FMN1: variants seen among roughly 807,000 people sequenced by gnomAD.
The protein encoded by FMN1 is formin 1.
Under a neutral mutation model 132.4 loss-of-function variants are expected in FMN1, and 110 were observed. The observed-to-expected ratio is 0.83, with a 90% CI of 0.71 to 0.97. The LOEUF (loss-of-function observed/expected upper bound fraction) is 0.97. Among genes scored for constraint, FMN1 ranks in the 50% least tolerant of loss-of-function variants. The pLI, the probability that FMN1 is intolerant of heterozygous loss-of-function variation, is 0.00. For missense variants in FMN1, 1,792 were observed against 1,705.3 expected (o/e 1.05, Z -0.90); for synonymous variants, 722 against 651.7 (o/e 1.11, Z -1.64).
At chr15:33,067,782 T>C (rs773345400) in intron 5 of FMN1, 11 of 1,614,028 alleles carry the variant, frequency 6.8e-6, no homozygotes, top group African/African-American at 1.3e-5. Flanking sequence ...AGGGATTTCA[T>C]AGAGAACTTA....
At chr15:33,113,910 C>T (rs947077301) in intron 4 of FMN1, among the ~76,000 whole-genome samples, 1 of 152,172 alleles carries the variant, frequency 6.6e-6, no homozygotes, top group Non-Finnish European at 1.5e-5. Context: ...TTAGCCTTAA[C>T]GATGTTTTCA....
At chr15:32,988,742 T>C (rs2033242652) in intron 7 of FMN1, among the ~76,000 whole-genome samples, 1 of 149,480 alleles carries the variant, frequency 6.7e-6, no homozygotes, top group African/African-American at 2.5e-5. Context: ...TAAACCCCGT[T>C]GTTGTTGTGA....
chr15:33,088,882 A>G lies in FMN1; in HGVS notation c.1960T>C (p.Tyr654His). 6.5e-7 allele frequency: 1 copy of G among 1,535,968 alleles called. No homozygotes were observed. Residue 654 changes from tyrosine to histidine, a missense_variant, in exon 5 of 21, where the codon TAC (tyrosine) becomes CAC (histidine). Tyr to His is a moderately conservative substitution (Grantham distance 83, BLOSUM62 2). This residue lies in a region of FMN1 where 1,150 missense variants were observed against 1,043.1 expected (regional missense o/e 1.10). Coordinates refer to ENST00000616417, the MANE Select transcript of FMN1 (RefSeq NM_001277313.2). ...AATGGACAGGCTGGTCCCGCTCTGT[A>G]GCCCAGAACCCACGCGCCTCCATCT... is the stretch of plus-strand genomic sequence containing the variant. ...NRDGGAWVLG[Y>H]RAGPACPFLL... is the part of the protein sequence containing the mutation.
At chr15:32,840,349 C>G (rs1356268492) in intron 17 of FMN1, among the ~76,000 whole-genome samples, 3 of 152,102 alleles carry the variant, frequency 2.0e-5, no homozygotes, top group Non-Finnish European at 4.4e-5. Flanking sequence ...CCAGGAGGAG[C>G]CATGATATGA....
Position 32,770,899 on chromosome 15 carries a change from C to T in FMN1, c.*3411G>A, listed in dbSNP as rs1310069319. ...AGACACCATCATCAACATAAGGATT[C>T]AAAAGGCAACTGTTGGGCAGTAGGA... On this transcript the variant is annotated 3_prime_UTR_variant, in exon 21 of 21. Transcript: ENST00000616417. 1 of 151,906 alleles carries T rather than the reference C, an allele frequency of 6.6e-6. No homozygotes were observed. The highest frequency in any genetic ancestry group is 6.6e-5 in the Admixed American group (1 of 15,242). The allele number at this position is 151,906 out of a possible 1,614,324, so 9.4% of individuals were successfully genotyped here. A position where few individuals can be genotyped will look rare whatever the true frequency, so the allele number is the denominator to read the frequency against.
At chr15:33,085,551 T>C (rs1430203396) in intron 5 of FMN1, among the ~76,000 whole-genome samples, 2 of 149,490 alleles carry the variant, frequency 1.3e-5, no homozygotes, top group African/African-American at 4.9e-5. Context: ...TATATTAAAA[T>C]TATACATATA....
At chr15:32,785,218 A>ATATTTTTT (rs1444523400) in intron 19 of FMN1, among the ~76,000 whole-genome samples, 16 of 39,202 alleles carry the variant, frequency 4.1e-4, no homozygotes, top group African/African-American at 1.8e-3. Context: ...ATATATATAT[A>ATATTTTTT]TTTTTTTTTT....
At chr15:32,930,769 C>T (rs1289367393) in intron 9 of FMN1, among the ~76,000 whole-genome samples, 1 of 151,972 alleles carries the variant, frequency 6.6e-6, no homozygotes, top group Non-Finnish European at 1.5e-5. Flanking sequence ...AAACAACTGC[C>T]AAAATCAATT....
rs758430358 is a variant in FMN1 at position 32,766,185 on chromosome 15, T to C, written c.*8125A>G. 2 of 152,188 alleles carry C rather than the reference T, an allele frequency of 1.3e-5. No homozygotes were observed. The highest frequency in any genetic ancestry group is 2.4e-5 in the African/African-American group (1 of 41,438). The allele number at this position is 152,188 out of a possible 1,614,324, so 9.4% of individuals were successfully genotyped here. A position where few individuals can be genotyped will look rare whatever the true frequency, so the allele number is the denominator to read the frequency against. Reference sequence around the variant, plus strand: ...TATGTTTTACCAGGTTAAATGGCTATTTAGGACATGCTTGCACTTTTAAGT... The same window carrying C: ...TATGTTTTACCAGGTTAAATGGCTACTTAGGACATGCTTGCACTTTTAAGT... On this transcript the variant is annotated 3_prime_UTR_variant, in exon 21 of 21. Coordinates refer to ENST00000616417, the MANE Select transcript of FMN1 (RefSeq NM_001277313.2).
At chr15:32,876,808 C>A (rs2059647730) in intron 16 of FMN1, among the ~76,000 whole-genome samples, 2 of 152,084 alleles carry the variant, frequency 1.3e-5, no homozygotes, top group Non-Finnish European at 2.9e-5. Context: ...GGACTGCATT[C>A]GACAGATTCA....
At chr15:33,017,237 T>C (rs2035105925) in intron 6 of FMN1, among the ~76,000 whole-genome samples, 1 of 152,156 alleles carries the variant, frequency 6.6e-6, no homozygotes, top group Non-Finnish European at 1.5e-5. Flanking sequence ...TATGCTACTA[T>C]AATAGTTGAT....
At chr15:33,138,130 C>A (rs944286399) in intron 4 of FMN1, among the ~76,000 whole-genome samples, 16 of 152,206 alleles carry the variant, frequency 1.1e-4, no homozygotes, top group African/African-American at 3.9e-4. Context: ...ATAAGCACAA[C>A]TGCCTGCTAT....
rs551194485 is a variant in FMN1, at chr15:33,052,190, T to C, written c.2161+12767A>G. Among the ~76,000 whole-genome samples the C allele has an allele frequency of 2.0e-5, 3 of 152,338 alleles. No homozygotes were observed. In the South Asian group the frequency reaches 6.2e-4, roughly 32 times the overall value. On this transcript the variant is annotated intron_variant, in intron 6 of 20. Coordinates refer to ENST00000616417, the MANE Select transcript of FMN1 (RefSeq NM_001277313.2). ...TCCAGTTCAAAGAACACATGAATAC[T>C]ATACATAACTATGCTGGTGTCTTAG...
rs374809294 is a variant in FMN1 at position 33,042,328 on chromosome 15, A to G, written c.2161+22629T>C. 3.2e-4 allele frequency among the ~76,000 whole-genome samples: 49 copies of G among 152,288 alleles called. 1 individual carries two copies. In the East Asian group the frequency reaches 5.6e-3, roughly 17 times the overall value. ...AAGGTTTCCTTATATTGATCTATAA[A>G]TTTAATAGAATTCCAGTAAAAATTA... On this transcript the variant is annotated intron_variant, in intron 6 of 20. Transcript: ENST00000616417.
intron 19 of FMN1, among the ~76,000 whole-genome samples, chr15:32,793,284 TTTTC>T (rs2057156814): frequency 6.6e-6 from 1 of 152,142 alleles, no homozygotes; most frequent in African/African-American, 2.4e-5. Context: ...TCTTTTTTTC[TTTTC>T]TTTTTTTTTT....
intron 17 of FMN1, among the ~76,000 whole-genome samples, chr15:32,819,625 C>T (rs1481786003): frequency 6.6e-6 from 1 of 151,962 alleles, no homozygotes; most frequent in Non-Finnish European, 1.5e-5. Context: ...TAGCTTTGTT[C>T]CTTCCCACAA....
intron 14 of FMN1, 157 bp downstream of exon 14, chr15:32,899,822 T>G: frequency 4.1e-6 from 3 of 728,510 alleles, no homozygotes; most frequent in East Asian, 2.6e-5. Context: ...TATTCGAAAG[T>G]GAAAAGAAAG....
At chr15:32,947,695 T>C (rs889314832) in intron 9 of FMN1, among the ~76,000 whole-genome samples, 4 of 152,070 alleles carry the variant, frequency 2.6e-5, no homozygotes, top group South Asian at 2.1e-4. Flanking sequence ...TTCAATAAAG[T>C]TGAATAATTT....
intron 15 of FMN1, among the ~76,000 whole-genome samples, chr15:32,892,711 T>C (rs917196222): frequency 6.6e-6 from 1 of 152,212 alleles, no homozygotes; most frequent in Admixed American, 6.5e-5. Context: ...TTGTTGGTAA[T>C]TTTAAAATTA....
Sources: allele counts gnomAD v4.1 joint callset (sites outside exome capture counted in the v4.1 genomes callset), GRCh38; gene constraint gnomAD v4.1.1; regional missense constraint gnomAD v4.1.1; transcripts MANE v1.5; gene names NCBI Gene and HGNC (gene_info 2026-07-23, HGNC 2026-07-21).